Variants in INPP5A observed in about 807,000 individuals in gnomAD.
The protein encoded by INPP5A is inositol polyphosphate-5-phosphatase A.
In INPP5A, 14 loss-of-function variants were observed where a neutral mutation model predicts 65.2. The ratio of observed to expected loss-of-function variants is 0.21; its 90% CI spans 0.14 to 0.34. INPP5A has a LOEUF of 0.34. Ranked by LOEUF, INPP5A falls within the 10% of genes least tolerant of loss-of-function variation. The pLI, the probability that INPP5A is intolerant of heterozygous loss-of-function variation, is 1.00. For synonymous variants in INPP5A, 207 were observed against 208.3 expected (o/e 0.99, Z 0.05); for missense variants, 431 against 545.6 (o/e 0.79, Z 2.09).
chr10:132,629,375 C>T (rs1357175013), intron 2 of INPP5A, among the ~76,000 whole-genome samples: 1 of 152,230 alleles, frequency 6.6e-6, no homozygotes, highest in African/African-American at 2.4e-5. Flanking sequence ...CCTCTCGAGC[C>T]AGGGCCCTGC....
At chr10:132,711,212 C>A (rs1590945017) in intron 8 of INPP5A, among the ~76,000 whole-genome samples, 1 of 152,124 alleles carries the variant, frequency 6.6e-6, no homozygotes, top group Non-Finnish European at 1.5e-5. Context: ...CCCCCCAGTG[C>A]TCCGGGCTGC....
At position 132,549,349 on chromosome 10, in the gene INPP5A, C is replaced by G. The variant is rs2071021829; in HGVS notation, c.75+11178C>G. Among the ~76,000 whole-genome samples, 1 of 152,192 alleles carries G rather than the reference C, an allele frequency of 6.6e-6. No individual in the cohort carries two copies. Among genetic ancestry groups the G allele is most frequent in the Admixed American group, 6.5e-5 (1 of 15,282 alleles). ...CCCCGTCGAGTGGTGTGGAAGGACTCTAGCTCTTCTGCATCATGCCAGCAC... is the reference window on the plus strand; with the variant it reads ...CCCCGTCGAGTGGTGTGGAAGGACTGTAGCTCTTCTGCATCATGCCAGCAC... On this transcript the variant is annotated intron_variant, in intron 1 of 15. Coordinates refer to ENST00000368594, the MANE Select transcript of INPP5A (RefSeq NM_005539.5). The surrounding 1 kb of genome is among the most constrained non-coding windows in gnomAD (Gnocchi z 4.9).
rs1214365268 is a variant in INPP5A, at chr10:132,577,781, G to T, written c.76-30134G>T. On this transcript the variant is annotated intron_variant, in intron 1 of 15. Transcript: ENST00000368594. ...CAGCGGTGGTTCGTGGCCTCCTAGT[G>T]ACCTCTCCTGGTCACTGGACAGCAG... is the stretch of plus-strand genomic sequence containing the variant. Among the ~76,000 whole-genome samples, 3 of 152,182 alleles carry T rather than the reference G, an allele frequency of 2.0e-5. No individual in the cohort carries two copies. The East Asian group carries it at 5.8e-4, about 29-fold the overall frequency.
rs932442501 is a variant in INPP5A, at chr10:132,705,197, A to G, written c.475-3116A>G. ...ACTGATGTGTTTCCATTGCAGACAC[A>G]GTTACCGACAGGAAATGAACACAGA... On this transcript the variant is annotated intron_variant, in intron 6 of 15. Coordinates refer to ENST00000368594, the MANE Select transcript of INPP5A (RefSeq NM_005539.5). The surrounding 1 kb of genome is among the most constrained non-coding windows in gnomAD (Gnocchi z 4.9). Among the ~76,000 whole-genome samples, 8 of 152,202 alleles carry G rather than the reference A, an allele frequency of 5.3e-5. No homozygotes were observed. The highest frequency in any genetic ancestry group is 1.9e-4 in the African/African-American group (8 of 41,456).
At chr10:132,778,888 G>A (rs1181695381) in intron 13 of INPP5A, among the ~76,000 whole-genome samples, 3 of 152,244 alleles carry the variant, frequency 2.0e-5, no homozygotes, top group East Asian at 1.9e-4. Flanking sequence ...TCAGCAGGGC[G>A]GGGACCTCTG....
rs2072558449 is a variant in INPP5A, at chr10:132,650,421, A to G, written c.222A>G (p.Glu74=). Reference sequence around the variant, plus strand: ...GAACCTACTTTCTTCCTTCCAGAGAACTATTGTCGAGTGATGCGATGAAAG... The same window carrying G: ...GAACCTACTTTCTTCCTTCCAGAGAGCTATTGTCGAGTGATGCGATGAAAG... ...SMSHVDKFVK[E]LLSSDAMKEY... Residue 74 remains glutamate, a synonymous_variant, in exon 4 of 16, where the codon GAA becomes GAG. Coordinates refer to ENST00000368594, the MANE Select transcript of INPP5A (RefSeq NM_005539.5). This position sits in a 1 kb window ranked among gnomAD's most constrained non-coding sequence, Gnocchi z 5.5. 6.2e-7 allele frequency: 1 copy of G among 1,612,170 alleles called. No homozygotes were observed. The highest frequency in any genetic ancestry group is 8.5e-7 in the Non-Finnish European group (1 of 1,178,374).
intron 4 of INPP5A, among the ~76,000 whole-genome samples, chr10:132,688,133 C>T (rs1173501413): frequency 6.6e-6 from 1 of 152,214 alleles, no homozygotes; most frequent in Non-Finnish European, 1.5e-5. Flanking sequence ...AAACCAGAGA[C>T]GGCCTAACAG....
chr10:132,720,542 T>G (rs1244582715), intron 8 of INPP5A, among the ~76,000 whole-genome samples: 1 of 150,406 alleles, frequency 6.6e-6, no homozygotes, highest in Non-Finnish European at 1.5e-5. Flanking sequence ...TCTGGGCACC[T>G]TAGACGACTG....
intron 2 of INPP5A, among the ~76,000 whole-genome samples, chr10:132,643,456 C>T (rs770467645): frequency 1.6e-4 from 24 of 152,148 alleles, no homozygotes; most frequent in Non-Finnish European, 2.8e-4. Context: ...GCTATGATCA[C>T]ACTACTGTAC....
chr10:132,732,299 G>C (rs1035388823), intron 9 of INPP5A, among the ~76,000 whole-genome samples: 8 of 152,260 alleles, frequency 5.3e-5, no homozygotes, highest in African/African-American at 1.9e-4. Flanking sequence ...CCTTGCATTA[G>C]TGTTTGGAGG....
Position 132,753,776 on chromosome 10 carries a change from C to G in INPP5A, c.903+3931C>G, listed in dbSNP as rs967953975. ...CTGGGCCTCTTTCCTTTATCAGCGC[C>G]AGTGTCTCTGCAGGAGTGGCGTGAG... On this transcript the variant is annotated intron_variant, in intron 11 of 15. Transcript: ENST00000368594. The surrounding 1 kb of genome is among the most constrained non-coding windows in gnomAD (Gnocchi z 5.3). The G allele has an allele frequency of 5.9e-5, 9 of 152,158 alleles. No individual in the cohort carries two copies. The highest frequency in any genetic ancestry group is 2.2e-4 in the African/African-American group (9 of 41,418). 9.4% of individuals were successfully genotyped at this position (152,158 alleles called of 1,614,324 possible). A position where few individuals can be genotyped will look rare whatever the true frequency, so the allele number is the denominator to read the frequency against.
intron 1 of INPP5A, among the ~76,000 whole-genome samples, chr10:132,548,076 G>T (rs543978139): frequency 6.6e-6 from 1 of 151,936 alleles, no homozygotes; most frequent in East Asian, 1.9e-4. Flanking sequence ...AATTTTTTTT[G>T]TATTTTTAGT....
At chr10:132,570,127 A>C (rs964228720) in intron 1 of INPP5A, among the ~76,000 whole-genome samples, 1 of 149,720 alleles carries the variant, frequency 6.7e-6, no homozygotes, top group African/African-American at 2.5e-5. Flanking sequence ...TTGAATTTTT[A>C]GTAGAGACGG....
Position 132,537,807 on chromosome 10 carries a change from G to C in INPP5A, c.-290G>C, listed in dbSNP as rs867871917. ...GCGGGACTTGCCCTCAGCCTGAGTC[G>C]GCGGCGGCTGCGGGAACTTTCCCAG... On this transcript the variant is annotated 5_prime_UTR_variant, in exon 1 of 16. Transcript: ENST00000368594. 2.4e-5 allele frequency: 9 copies of C among 370,214 alleles called. No homozygotes were observed. The highest frequency in any genetic ancestry group is 1.3e-4 in the South Asian group (1 of 7,598). The allele number at this position is 370,214 out of a possible 1,614,324, so 22.9% of individuals were successfully genotyped here.
intron 2 of INPP5A, among the ~76,000 whole-genome samples, chr10:132,621,171 T>TA (rs1304129957): frequency 4.6e-5 from 7 of 152,188 alleles, no homozygotes; most frequent in African/African-American, 1.7e-4. Flanking sequence ...ATGCCACACT[T>TA]AAACTGTGAT....
At chr10:132,654,234 G>C (rs143345543) in intron 4 of INPP5A, among the ~76,000 whole-genome samples, 1 of 152,250 alleles carries the variant, frequency 6.6e-6, no homozygotes, top group Admixed American at 6.5e-5. Context: ...AGCTCAGTGG[G>C]CTCCAGCCCC....
At chr10:132,607,559 GA>G (rs2071874245) in intron 1 of INPP5A, among the ~76,000 whole-genome samples, 3 of 152,250 alleles carry the variant, frequency 2.0e-5, no homozygotes, top group Admixed American at 1.3e-4. Flanking sequence ...CTTGCTTGTT[GA>G]AGCTGGGTTA....
intron 3 of INPP5A, among the ~76,000 whole-genome samples, chr10:132,648,340 G>A (rs2072526811): frequency 6.6e-6 from 1 of 152,276 alleles, no homozygotes; most frequent in South Asian, 2.1e-4. Context: ...GCGATGCCGT[G>A]TGTGTTTCCT....
Position 132,550,297 on chromosome 10 carries a change from C to T in INPP5A, c.75+12126C>T, listed in dbSNP as rs1040982741. 5.9e-5 allele frequency among the ~76,000 whole-genome samples: 9 copies of T among 152,186 alleles called. No homozygotes were observed. The highest frequency in any genetic ancestry group is 1.9e-4 in the African/African-American group (8 of 41,444). On this transcript the variant is annotated intron_variant, in intron 1 of 15. Transcript: ENST00000368594. This position sits in a 1 kb window ranked among gnomAD's most constrained non-coding sequence, Gnocchi z 4.2. Reference sequence around the variant, plus strand: ...CTCTCAGGGATGTAATGAGGCTGCTCGGGGGGCTGTCTCAGGCCTCTGGCC... The same window carrying T: ...CTCTCAGGGATGTAATGAGGCTGCTTGGGGGGCTGTCTCAGGCCTCTGGCC...
Sources: allele counts gnomAD v4.1 joint callset (sites outside exome capture counted in the v4.1 genomes callset), GRCh38; gene constraint gnomAD v4.1.1; non-coding constraint Gnocchi (gnomAD v3.1); transcripts MANE v1.5; gene names NCBI Gene and HGNC (gene_info 2026-07-23, HGNC 2026-07-21).